Variants in ATP8B4 observed in about 807,000 individuals in gnomAD.
ATP8B4 encodes the protein ATPase phospholipid transporting 8B4 (putative).
Under a neutral mutation model 145.6 loss-of-function variants are expected in ATP8B4, and 133 were observed. The ratio of observed to expected loss-of-function variants is 0.91; its 90% confidence interval spans 0.79 to 1.05. ATP8B4 has a LOEUF of 1.05. ATP8B4 is among the 50% of genes least tolerant of loss of function. The pLI, the probability that ATP8B4 is intolerant of heterozygous loss-of-function variation, is 0.00. For missense variants in ATP8B4, 1,458 were observed against 1,425.2 expected (o/e 1.02, Z -0.37); for synonymous variants, 507 against 492.9 (o/e 1.03, Z -0.38).
chr15:50,025,103 T>C (rs1166680100), intron 6 of ATP8B4, among the ~76,000 whole-genome samples: 1 of 152,234 alleles, frequency 6.6e-6, no homozygotes, highest in Non-Finnish European at 1.5e-5. Context: ...CATGTAATTA[T>C]TGCGTATCAA....
intron 14 of ATP8B4, among the ~76,000 whole-genome samples, chr15:49,951,933 A>G (rs1317470742): frequency 6.6e-6 from 1 of 152,120 alleles, no homozygotes; most frequent in Non-Finnish European, 1.5e-5. Flanking sequence ...AAAGGATTTT[A>G]TTTCTCCTTC....
At chr15:49,883,811 G>T (rs1205908064) in intron 23 of ATP8B4, among the ~76,000 whole-genome samples, 1 of 151,498 alleles carries the variant, frequency 6.6e-6, no homozygotes, top group East Asian at 1.9e-4. Context: ...AACCCAAAGG[G>T]GAAAAAAAGG....
rs1229701211 is a variant in ATP8B4 at position 50,085,263 on chromosome 15, C to CT, written c.29-11079dup. Among the ~76,000 whole-genome samples, 9 of 151,966 alleles carry CT rather than the reference C, an allele frequency of 5.9e-5. No individual in the cohort carries two copies. In the East Asian group the frequency reaches 1.2e-3, roughly 20 times the overall value. Reference sequence around the variant, plus strand: ...GCACTAGAAATGTGTTTGCATAGTCCTTTTTTTTCAGTTTATAAAAGTCAA... The same window carrying CT: ...GCACTAGAAATGTGTTTGCATAGTCCTTTTTTTTTCAGTTTATAAAAGTCAA... On this transcript the variant is annotated intron_variant, in intron 2 of 27. Transcript: ENST00000284509.
intron 3 of ATP8B4, among the ~76,000 whole-genome samples, chr15:50,049,324 C>T (rs964828263): frequency 6.6e-5 from 10 of 152,114 alleles, no homozygotes; most frequent in African/African-American, 2.2e-4. Flanking sequence ...TCTAGTAATC[C>T]CCAATGTCTA....
At chr15:49,959,755 A>G (rs2043900273) in intron 14 of ATP8B4, among the ~76,000 whole-genome samples, 1 of 152,160 alleles carries the variant, frequency 6.6e-6, no homozygotes, top group Non-Finnish European at 1.5e-5. Flanking sequence ...TGAGCAAGGT[A>G]TTTATGCAGA....
At chr15:49,933,900 C>T (rs974451226) in intron 15 of ATP8B4, 117 bp downstream of exon 15, 2 of 1,167,982 alleles carry the variant, frequency 1.7e-6, no homozygotes, top group Admixed American at 3.1e-5. Flanking sequence ...AAAACAAAAA[C>T]AAAAAACAAG....
intron 3 of ATP8B4, among the ~76,000 whole-genome samples, chr15:50,060,562 T>C (rs776056921): frequency 1.3e-5 from 2 of 152,152 alleles, no homozygotes; most frequent in Non-Finnish European, 2.9e-5. Context: ...TGCAGAGTTG[T>C]TGTGAAGATT....
chr15:50,064,091 G>C (rs1433523390), intron 3 of ATP8B4, among the ~76,000 whole-genome samples: 1 of 152,112 alleles, frequency 6.6e-6, no homozygotes, highest in East Asian at 1.9e-4. Flanking sequence ...GAATGGAAAA[G>C]CTTTAAAGGA....
intron 1 of ATP8B4, among the ~76,000 whole-genome samples, chr15:50,157,340 T>G (rs1381733246): frequency 1.3e-5 from 2 of 152,212 alleles, no homozygotes; most frequent in Non-Finnish European, 2.9e-5. Flanking sequence ...GACTCACCAG[T>G]GCAGAAAAGA....
chr15:50,097,065 A>T (rs1000784732), intron 2 of ATP8B4, among the ~76,000 whole-genome samples: 1 of 152,230 alleles, frequency 6.6e-6, no homozygotes, highest in Non-Finnish European at 1.5e-5. Context: ...ATGAAATGCA[A>T]ATTCAAACAA....
intron 25 of ATP8B4, among the ~76,000 whole-genome samples, chr15:49,873,921 C>T (rs2034014914): frequency 6.6e-6 from 1 of 152,214 alleles, no homozygotes; most frequent in Non-Finnish European, 1.5e-5. Context: ...ACTTTGGGCA[C>T]ATTTGAAAAC....
At chr15:49,890,747 G>A (rs1481901298) in intron 23 of ATP8B4, among the ~76,000 whole-genome samples, 1 of 152,194 alleles carries the variant, frequency 6.6e-6, no homozygotes, top group East Asian at 1.9e-4. Flanking sequence ...TGCTAATCAG[G>A]CCCTTCCAGT....
intron 14 of ATP8B4, among the ~76,000 whole-genome samples, chr15:49,951,354 A>T (rs1369508354): frequency 6.6e-6 from 1 of 152,044 alleles, no homozygotes; most frequent in Non-Finnish European, 1.5e-5. Context: ...ATCTCTAAGA[A>T]CTTGTTTTAT....
At chr15:50,012,964 A>G (rs1277917969) in intron 6 of ATP8B4, among the ~76,000 whole-genome samples, 6 of 152,194 alleles carry the variant, frequency 3.9e-5, no homozygotes, top group Admixed American at 2.0e-4. Context: ...TAAGGATCAT[A>G]GCAACAGAAG....
intron 3 of ATP8B4, among the ~76,000 whole-genome samples, chr15:50,055,298 T>G (rs1046454411): frequency 6.6e-6 from 1 of 152,190 alleles, no homozygotes; most frequent in Admixed American, 6.5e-5. Context: ...TCAAACTAAG[T>G]CAATTTGAGT....
intron 2 of ATP8B4, among the ~76,000 whole-genome samples, chr15:50,100,898 CTAAT>C (rs1228462548): frequency 6.6e-6 from 1 of 152,100 alleles, no homozygotes; most frequent in Non-Finnish European, 1.5e-5. Flanking sequence ...TGTCAATTAA[CTAAT>C]TAATGTGTCA....
chr15:50,176,678 G>C (rs1467626791), intron 1 of ATP8B4, among the ~76,000 whole-genome samples: 3 of 152,150 alleles, frequency 2.0e-5, no homozygotes, highest in Non-Finnish European at 4.4e-5. Context: ...CAAATCTGGA[G>C]AATTAGCACA....
intron 20 of ATP8B4, among the ~76,000 whole-genome samples, chr15:49,908,922 C>T (rs923571802): frequency 6.6e-6 from 1 of 152,168 alleles, no homozygotes; most frequent in African/African-American, 2.4e-5. Context: ...CACTTCCCAG[C>T]CACCTGCCTA....
rs192605744 is a variant in ATP8B4, at chr15:50,136,230, A to G, written c.-42-29222T>C. ...GGCTTTCTCTCACCAGTGATTCCAT[A>G]TACAACACTGTCATATAATTTTTAG... On this transcript the variant is annotated intron_variant, in intron 1 of 3. Transcript: ENST00000558829. Among the ~76,000 whole-genome samples, 11 of 152,274 alleles carry G rather than the reference A, an allele frequency of 7.2e-5. No individual in the cohort carries two copies. In the East Asian group the frequency reaches 2.1e-3, roughly 29 times the overall value.
Sources: allele counts gnomAD v4.1 joint callset (sites outside exome capture counted in the v4.1 genomes callset), GRCh38; gene constraint gnomAD v4.1.1; transcripts MANE v1.5; gene names NCBI Gene and HGNC (gene_info 2026-07-23, HGNC 2026-07-21).